Variants in CXCL11 observed in about 807,000 individuals in gnomAD.
The protein encoded by CXCL11 is C-X-C motif chemokine ligand 11.
A neutral mutation model predicts 9.7 loss-of-function variants in CXCL11; 7 were observed. That is an observed-to-expected ratio of 0.72 (90% CI 0.41 to 1.36). The LOEUF is 1.36. Among genes scored for constraint, CXCL11 ranks in the 40% most tolerant of loss-of-function variants. The pLI, the probability that CXCL11 is intolerant of heterozygous loss-of-function variation, is 0.01. For synonymous variants in CXCL11, 35 were observed against 34.4 expected (o/e 1.02, Z -0.06); for missense variants, 107 against 113.4 (o/e 0.94, Z 0.26).
Position 76,033,696 on chromosome 4 carries a change from A to G in CXCL11, c.*1097T>C, listed in dbSNP as rs1193773493. 1 of 152,198 alleles carries G rather than the reference A, an allele frequency of 6.6e-6. No individual in the cohort carries two copies. The highest frequency in any genetic ancestry group is 1.5e-5 in the Non-Finnish European group (1 of 68,032). The allele number at this position is 152,198 out of a possible 1,614,324, so 9.4% of individuals were successfully genotyped here. A position where few individuals can be genotyped will look rare whatever the true frequency, so the allele number is the denominator to read the frequency against. ...GTATATAGATCTTTTTTTAAAAAAGAAAGGTTGTGGTAGTTTATTAGAGAA... is the reference window on the plus strand; with the variant it reads ...GTATATAGATCTTTTTTTAAAAAAGGAAGGTTGTGGTAGTTTATTAGAGAA... On this transcript the variant is annotated 3_prime_UTR_variant, in exon 4 of 4. Coordinates refer to ENST00000306621, the MANE Select transcript of CXCL11 (RefSeq NM_005409.5).
Position 76,034,709 on chromosome 4 carries a change from T to C in CXCL11, c.*84A>G, listed in dbSNP as rs1345188253. 2 of 1,026,030 alleles carry C rather than the reference T, an allele frequency of 1.9e-6. No homozygotes were observed. Among genetic ancestry groups the C allele is most frequent in the African/African-American group, 1.6e-5 (1 of 61,564 alleles). 63.6% of individuals were successfully genotyped at this position (1,026,030 alleles called of 1,614,324 possible). A position where few individuals can be genotyped will look rare whatever the true frequency, so the allele number is the denominator to read the frequency against. The stretch of plus-strand genomic sequence containing the variant: ...AAAGTCTCAGTTTCCTACTGTAGAA[T>C]TCTTGTCATTTCAGTAGTCACAGTT... On this transcript the variant is annotated 3_prime_UTR_variant, in exon 4 of 4. Transcript: ENST00000306621.
In CXCL11 at chr4:76,034,647, A is replaced by G. The variant is rs575617996; in HGVS notation, c.*146T>C. 1.4e-6 allele frequency: 1 copy of G among 708,788 alleles called. No individual in the cohort carries two copies. Among genetic ancestry groups the G allele is most frequent in the South Asian group, 1.7e-5 (1 of 58,974 alleles). The allele number at this position is 708,788 out of a possible 1,614,324, so 43.9% of individuals were successfully genotyped here. A position where few individuals can be genotyped will look rare whatever the true frequency, so the allele number is the denominator to read the frequency against. ...CTTTCACCCACCTTTCATCCTTCACATAACTGTACAAAAGTTGAAAGTCAC... is the reference window on the plus strand; with the variant it reads ...CTTTCACCCACCTTTCATCCTTCACGTAACTGTACAAAAGTTGAAAGTCAC... On this transcript the variant is annotated 3_prime_UTR_variant, in exon 4 of 4. Transcript: ENST00000306621.
intron 1 of CXCL11, among the ~76,000 whole-genome samples, chr4:76,035,556 C>T (rs1734310510): frequency 6.6e-6 from 1 of 152,192 alleles, no homozygotes; most frequent in Admixed American, 6.5e-5. Context: ...AAATGGGAAG[C>T]ATGAAGGAAG....
At position 76,035,138 on chromosome 4, in the gene CXCL11, A is replaced by AAT. The variant is rs397769081; in HGVS notation, c.189-20_189-19insAT. 1 of 1,612,882 alleles carries AAT rather than the reference A, an allele frequency of 6.2e-7. No individual in the cohort carries two copies. On this transcript the variant is annotated intron_variant, in intron 2 of 3. Coordinates refer to ENST00000306621, the MANE Select transcript of CXCL11 (RefSeq NM_005409.5). ...GGTAATACTGTTAAAAGAACATACAAGAGTCTTAAAGTTTAGATGCAAATA... is the reference window on the plus strand; with the variant it reads ...GGTAATACTGTTAAAAGAACATACAAATGAGTCTTAAAGTTTAGATGCAAATA...
Position 76,035,276 on chromosome 4 carries a change from G to A in CXCL11, c.128C>T (p.Ala43Val). The change falls in exon 2 of 4, where the codon GCA becomes GTA. Residue 43 changes from alanine to valine, a missense_variant. Coordinates refer to ENST00000306621, the MANE Select transcript of CXCL11 (RefSeq NM_005409.5). Reference protein sequence around the residue: ...IGPGVKAVKVADIEKASIMYP... With the variant: ...IGPGVKAVKVVDIEKASIMYP... ...CATTATGGAGGCTTTCTCAATATCT[G>A]CCACTTTCACTGCTTTTACCCCAGG... 1 of 1,614,014 alleles carries A rather than the reference G, an allele frequency of 6.2e-7. No homozygotes were observed. The highest frequency in any genetic ancestry group is 8.5e-7 in the Non-Finnish European group (1 of 1,179,890).
intron 1 of CXCL11, 85 bp downstream of exon 1, chr4:76,035,842 G>T: frequency 8.2e-7 from 1 of 1,219,542 alleles, no homozygotes; most frequent in Non-Finnish European, 1.2e-6. Flanking sequence ...ACTTTATCAT[G>T]TCTTTTAGGA....
rs1436311164 is a variant in CXCL11 at position 76,034,594 on chromosome 4, C to G, written c.*199G>C. The G allele has an allele frequency of 1.7e-6, 1 of 597,384 alleles. No individual in the cohort carries two copies. Among genetic ancestry groups the G allele is most frequent in the African/African-American group, 1.9e-5 (1 of 51,362 alleles). 37.0% of individuals were successfully genotyped at this position (597,384 alleles called of 1,614,324 possible). On this transcript the variant is annotated 3_prime_UTR_variant, in exon 4 of 4. Coordinates refer to ENST00000306621, the MANE Select transcript of CXCL11 (RefSeq NM_005409.5). The stretch of plus-strand genomic sequence containing the variant: ...AGTGGAATTCTGATTGTCATTCATT[C>G]AGGAAGACTGTATTTCTGTTTTTGG...
At position 76,034,472 on chromosome 4, in the gene CXCL11, T is replaced by G; in HGVS notation, c.*321A>C. ...ATGCATGAATGTATAATGCAACAAG[T>G]AAGAACGTGAAAGCACTTTGTAAAC... On this transcript the variant is annotated 3_prime_UTR_variant, in exon 4 of 4. Transcript: ENST00000306621. 1.9e-6 allele frequency: 1 copy of G among 516,060 alleles called. No individual in the cohort carries two copies. Among genetic ancestry groups the G allele is most frequent in the Non-Finnish European group, 3.3e-6 (1 of 298,924 alleles). 32.0% of individuals were successfully genotyped at this position (516,060 alleles called of 1,614,324 possible). A position where few individuals can be genotyped will look rare whatever the true frequency, so the allele number is the denominator to read the frequency against.
chr4:76,035,015 G>C, intron 3 of CXCL11, 32 bp downstream of exon 3: 1 of 1,567,514 alleles, frequency 6.4e-7, no homozygotes, highest in Non-Finnish European at 8.8e-7. Context: ...GGATAAAACA[G>C]ATTATAACAT....
At position 76,034,536 on chromosome 4, in the gene CXCL11, A is replaced by G. The variant is rs1471808297; in HGVS notation, c.*257T>C. On this transcript the variant is annotated 3_prime_UTR_variant, in exon 4 of 4. Coordinates refer to ENST00000306621, the MANE Select transcript of CXCL11 (RefSeq NM_005409.5). ...AGCCTTTCTTAAGGTAGCTTTTCCT[A>G]GAAATCCATTTAATTGTTGGACTCC... The G allele has an allele frequency of 7.7e-6, 4 of 520,738 alleles. No individual in the cohort carries two copies. The highest frequency in any genetic ancestry group is 1.3e-5 in the Non-Finnish European group (4 of 301,082). The allele number at this position is 520,738 out of a possible 1,614,324, so 32.3% of individuals were successfully genotyped here.
At position 76,036,012 on chromosome 4, in the gene CXCL11, G is replaced by T; in HGVS notation, c.-25C>A. The stretch of plus-strand genomic sequence containing the variant: ...TGTTTGTTTTTTGCTGTTGCTGCTG[G>T]TGCTGCTGCTGCTACTTCAGCTTTG... On this transcript the variant is annotated 5_prime_UTR_variant, in exon 1 of 4. Coordinates refer to ENST00000306621, the MANE Select transcript of CXCL11 (RefSeq NM_005409.5). The T allele has an allele frequency of 6.2e-7, 1 of 1,608,190 alleles. No homozygotes were observed. The highest frequency in any genetic ancestry group is 8.5e-7 in the Non-Finnish European group (1 of 1,175,960).
chr4:76,034,128 A>G lies in CXCL11; in HGVS notation c.*665T>C, dbSNP rs1347471999. On this transcript the variant is annotated 3_prime_UTR_variant, in exon 4 of 4. Coordinates refer to ENST00000306621, the MANE Select transcript of CXCL11 (RefSeq NM_005409.5). ...TTTTTCATAGTACATTTTATGAATT[A>G]CATTTAATGAATTGGTTATAAAACA... The G allele has an allele frequency of 1.2e-5, 3 of 253,852 alleles. No homozygotes were observed. Among genetic ancestry groups the G allele is most frequent in the Non-Finnish European group, 2.2e-5 (3 of 135,900 alleles). 15.7% of individuals were successfully genotyped at this position (253,852 alleles called of 1,614,324 possible).
intron 2 of CXCL11, 35 bp downstream of exon 2, chr4:76,035,181 G>A (rs1560586103): frequency 6.8e-6 from 11 of 1,613,842 alleles, no homozygotes; most frequent in Non-Finnish European, 9.3e-6. Context: ...AAAAAAGCCT[G>A]CACCATTGTC....
At position 76,034,555 on chromosome 4, in the gene CXCL11, G is replaced by A; in HGVS notation, c.*238C>T. The A allele has an allele frequency of 1.9e-6, 1 of 518,842 alleles. No individual in the cohort carries two copies. The allele number at this position is 518,842 out of a possible 1,614,324, so 32.1% of individuals were successfully genotyped here. Reference sequence around the variant, plus strand: ...TTTCCTAGAAATCCATTTAATTGTTGGACTCCTTTGGGCAGTGGAATTCTG... The same window carrying A: ...TTTCCTAGAAATCCATTTAATTGTTAGACTCCTTTGGGCAGTGGAATTCTG... On this transcript the variant is annotated 3_prime_UTR_variant, in exon 4 of 4. Transcript: ENST00000306621.
rs905543773 is a variant in CXCL11, at chr4:76,034,198, A to G, written c.*595T>C. On this transcript the variant is annotated 3_prime_UTR_variant, in exon 4 of 4. Coordinates refer to ENST00000306621, the MANE Select transcript of CXCL11 (RefSeq NM_005409.5). ...ATGTCTCCCTACATATTGATGTGCTACATGATGTTTGGGGAAAGAAGTGTG... is the reference window on the plus strand; with the variant it reads ...ATGTCTCCCTACATATTGATGTGCTGCATGATGTTTGGGGAAAGAAGTGTG... 1 of 369,080 alleles carries G rather than the reference A, an allele frequency of 2.7e-6. No homozygotes were observed. Among genetic ancestry groups the G allele is most frequent in the African/African-American group, 2.1e-5 (1 of 48,084 alleles). 22.9% of individuals were successfully genotyped at this position (369,080 alleles called of 1,614,324 possible). A position where few individuals can be genotyped will look rare whatever the true frequency, so the allele number is the denominator to read the frequency against.
chr4:76,034,850 G>T, intron 3 of CXCL11, 34 bp from the exon 4 acceptor site: 1 of 1,547,610 alleles, frequency 6.5e-7, no homozygotes, highest in Non-Finnish European at 8.9e-7. Flanking sequence ...TATTTACTTG[G>T]GCTGTTCTTG....
chr4:76,035,188 T>C, intron 2 of CXCL11, 28 bp downstream of exon 2: 1 of 1,614,002 alleles, frequency 6.2e-7, no homozygotes, highest in African/African-American at 1.3e-5. Context: ...CCTGCACCAT[T>C]GTCATCTTCA....
chr4:76,034,728 C>T lies in CXCL11; in HGVS notation c.*65G>A. 2 of 1,183,098 alleles carry T rather than the reference C, an allele frequency of 1.7e-6. No homozygotes were observed. The highest frequency in any genetic ancestry group is 2.5e-6 in the Non-Finnish European group (2 of 811,652). The allele number at this position is 1,183,098 out of a possible 1,614,324, so 73.3% of individuals were successfully genotyped here. ...GTAGAATTCTTGTCATTTCAGTAGTCACAGTTAAACTTGTTCTAGGTTTTT... is the reference window on the plus strand; with the variant it reads ...GTAGAATTCTTGTCATTTCAGTAGTTACAGTTAAACTTGTTCTAGGTTTTT... On this transcript the variant is annotated 3_prime_UTR_variant, in exon 4 of 4. Transcript: ENST00000306621.
At position 76,034,553 on chromosome 4, in the gene CXCL11, T is replaced by C. The variant is rs1140834; in HGVS notation, c.*240A>G. ...CTTTTCCTAGAAATCCATTTAATTG[T>C]TGGACTCCTTTGGGCAGTGGAATTC... On this transcript the variant is annotated 3_prime_UTR_variant, in exon 4 of 4. Coordinates refer to ENST00000306621, the MANE Select transcript of CXCL11 (RefSeq NM_005409.5). 13,022 of 520,614 alleles carry C rather than the reference T, an allele frequency of 0.025. 698 individuals carry two copies. The highest frequency in any genetic ancestry group is 0.16 in the African/African-American group (7,903 of 49,518). 32.2% of individuals were successfully genotyped at this position (520,614 alleles called of 1,614,324 possible).
Sources: allele counts gnomAD v4.1 joint callset (sites outside exome capture counted in the v4.1 genomes callset), GRCh38; gene constraint gnomAD v4.1.1; transcripts MANE v1.5; gene names NCBI Gene and HGNC (gene_info 2026-07-23, HGNC 2026-07-21).